ASCC3: variants seen among roughly 807,000 people sequenced by gnomAD.
ASCC3 encodes activating signal cointegrator 1 complex subunit 3, also known as ASC-1 complex subunit P200.
A neutral mutation model predicts 256.3 loss-of-function variants in ASCC3; 158 were observed. The observed-to-expected ratio is 0.62, with a 90% CI of 0.54 to 0.70. The LOEUF is 0.70. Ranked by LOEUF, ASCC3 falls within the 30% of genes least tolerant of loss-of-function variation. The pLI is 0.00. For missense variants in ASCC3, 2,259 were observed against 2,626.0 expected (o/e 0.86, Z 3.05); for synonymous variants, 948 against 883.4 (o/e 1.07, Z -1.30).
chr6:100,615,307 T>G (rs980567270), intron 30 of ASCC3, among the ~76,000 whole-genome samples: 8 of 152,108 alleles, frequency 5.3e-5, no homozygotes, highest in Non-Finnish European at 5.9e-5. Context: ...TATTGCACTT[T>G]TGTCCCCATC....
At chr6:100,609,306 T>C (rs1021818304) in intron 30 of ASCC3, among the ~76,000 whole-genome samples, 6 of 151,992 alleles carry the variant, frequency 3.9e-5, no homozygotes, top group African/African-American at 1.4e-4. Flanking sequence ...AGTTTAGTTT[T>C]CCTAAATAAT....
At chr6:100,665,950 C>A (rs1021520923) in intron 14 of ASCC3, among the ~76,000 whole-genome samples, 2 of 151,850 alleles carry the variant, frequency 1.3e-5, no homozygotes, top group Admixed American at 1.3e-4. Flanking sequence ...TTAAAAAAAC[C>A]CCCTCATGCT....
Position 100,516,263 on chromosome 6 carries a change from C to G in ASCC3, c.5992G>C (p.Glu1998Gln). 6.2e-7 allele frequency: 1 copy of G among 1,613,802 alleles called. No individual in the cohort carries two copies. Among genetic ancestry groups the G allele is most frequent in the African/African-American group, 1.3e-5 (1 of 75,000 alleles). ...RGRTSIESLP[E>Q]LIHACGGKDH... ...TTCCCTCCACAGGCATGGATCAGTT[C>G]AGGAAGGGACTCGATGGAGGTCCGA... Residue 1998 changes from glutamate (E) to glutamine (Q), a missense_variant, in exon 39 of 42, where the codon GAA becomes CAA. Transcript: ENST00000369162.
rs1339078897 is a variant in ASCC3 at position 100,589,731 on chromosome 6, A to G, written c.5453T>C (p.Ile1818Thr). The G allele has an allele frequency of 6.2e-7, 1 of 1,613,780 alleles. No homozygotes were observed. The part of the protein sequence containing the change: ...RSIEPLTYGR[I>T]ASYYYLKHQT... ...ATGCTTCAAATAGTAATAGGAGGCAATTCGGCCATAAGTTAGAGGTTCAAT... is the reference window on the plus strand; with the variant it reads ...ATGCTTCAAATAGTAATAGGAGGCAGTTCGGCCATAAGTTAGAGGTTCAAT... Residue 1818 changes from isoleucine (I) to threonine (T), a missense_variant, in exon 36 of 42, where the codon ATT (isoleucine) becomes ACT (threonine). Physicochemically the swap from Ile to Thr is moderately conservative, Grantham distance 89. Around this residue, in one of 2 missense-constraint regions of ASCC3, gnomAD observed 1,839 missense variants for 2,206.7 expected, o/e 0.83. Transcript: ENST00000369162.
In ASCC3 at chr6:100,767,246, C is replaced by T; in HGVS notation, c.1495G>A (p.Ala499Thr). 1 of 1,614,012 alleles carries T rather than the reference C, an allele frequency of 6.2e-7. No individual in the cohort carries two copies. Among genetic ancestry groups the T allele is most frequent in the Non-Finnish European group, 8.5e-7 (1 of 1,179,998 alleles). The change falls in exon 9 of 42, where the codon GCC becomes ACC. Residue 499 changes from alanine to threonine, a missense_variant. By Grantham distance (58) the Ala-to-Thr change is moderately conservative. This residue lies in a region of ASCC3 where 1,839 missense variants were observed against 2,206.7 expected (regional missense o/e 0.83). Coordinates refer to ENST00000369162, the MANE Select transcript of ASCC3 (RefSeq NM_006828.4). ...TTGGTTTTTCCAGCTCCTGTAGGGG[C>T]ACAAATCAGCATGTTCTCATTGGTG... ...YNTNENMLIC[A>T]PTGAGKTNIA...
intron 4 of ASCC3, among the ~76,000 whole-genome samples, chr6:100,826,168 A>G (rs574275856): frequency 6.0e-4 from 91 of 151,652 alleles, no homozygotes; most frequent in Non-Finnish European, 1.1e-3. Flanking sequence ...GTCTCCCTCT[A>G]TCACCCAGGA....
intron 36 of ASCC3, among the ~76,000 whole-genome samples, chr6:100,586,925 G>A (rs1202945432): frequency 6.6e-6 from 1 of 152,048 alleles, no homozygotes; most frequent in Non-Finnish European, 1.5e-5. Context: ...TTTTTCAGTT[G>A]TAATGTTATC....
chr6:100,697,369 G>A (rs1317546139), intron 13 of ASCC3, among the ~76,000 whole-genome samples: 3 of 151,628 alleles, frequency 2.0e-5, no homozygotes, highest in Non-Finnish European at 4.4e-5. Flanking sequence ...ATGAAGAAAT[G>A]GATGGAAAAG....
At chr6:100,769,747 G>A (rs968103250) in intron 8 of ASCC3, among the ~76,000 whole-genome samples, 1 of 151,736 alleles carries the variant, frequency 6.6e-6, no homozygotes, top group African/African-American at 2.4e-5. Flanking sequence ...AATATCAAGA[G>A]TGAGAAAAGT....
chr6:100,766,958 T>C (rs375281014), intron 9 of ASCC3, among the ~76,000 whole-genome samples, 187 bp downstream of exon 9: 1 of 152,324 alleles, frequency 6.6e-6, no homozygotes, highest in African/African-American at 2.4e-5. Flanking sequence ...GCTTCTTACA[T>C]GGTAATAGAA....
intron 36 of ASCC3, among the ~76,000 whole-genome samples, chr6:100,582,603 G>C (rs1278940922): frequency 6.6e-6 from 1 of 151,982 alleles, no homozygotes; most frequent in African/African-American, 2.4e-5. Context: ...AAATGCCCTG[G>C]CCAGAACTTC....
rs576803322 is a variant in ASCC3 at position 100,730,134 on chromosome 6, G to A, written c.1738-4431C>T. Among the ~76,000 whole-genome samples, 9 of 151,076 alleles carry A rather than the reference G, an allele frequency of 6.0e-5. No individual in the cohort carries two copies. The East Asian group carries it at 1.6e-3, about 26-fold the overall frequency. ...AGCCTGTGCAGTACGGTGAGACCTCGCCTCCAGAAAAAAAAAAAATTAACT... is the reference window on the plus strand; with the variant it reads ...AGCCTGTGCAGTACGGTGAGACCTCACCTCCAGAAAAAAAAAAAATTAACT... On this transcript the variant is annotated intron_variant, in intron 10 of 41. Transcript: ENST00000369162.
chr6:100,799,645 TTA>T lies in ASCC3; in HGVS notation c.1128-75_1128-74del, dbSNP rs1170303112. 6.1e-6 allele frequency: 9 copies of T among 1,468,428 alleles called. No individual in the cohort carries two copies. In the African/African-American group the frequency reaches 1.3e-4, roughly 20 times the overall value. The allele number at this position is 1,468,428 out of a possible 1,614,324, so 91.0% of individuals were successfully genotyped here. A position where few individuals can be genotyped will look rare whatever the true frequency, so the allele number is the denominator to read the frequency against. ...TAATGCATACACCAAAACAAGGCAA[TTA>T]TAAAAGATATTGGGAGCTAGCCTTC... On this transcript the variant is annotated intron_variant, in intron 6 of 41. Coordinates refer to ENST00000369162, the MANE Select transcript of ASCC3 (RefSeq NM_006828.4).
chr6:100,572,042 A>G (rs1300632246), intron 36 of ASCC3, among the ~76,000 whole-genome samples: 1 of 152,202 alleles, frequency 6.6e-6, no homozygotes, highest in Non-Finnish European at 1.5e-5. Context: ...TCTTATAGTA[A>G]GACTTGTGAG....
intron 8 of ASCC3, among the ~76,000 whole-genome samples, chr6:100,788,189 G>T (rs1325082788): frequency 6.6e-6 from 1 of 151,908 alleles, no homozygotes; most frequent in African/African-American, 2.4e-5. Context: ...CACCAAAGAA[G>T]AATGACAAGT....
At chr6:100,774,426 C>T (rs761356389) in intron 8 of ASCC3, among the ~76,000 whole-genome samples, 1 of 151,992 alleles carries the variant, frequency 6.6e-6, no homozygotes, top group Admixed American at 6.6e-5. Flanking sequence ...AGTGCAATGG[C>T]ACTATCTTGG....
At chr6:100,872,442 GA>G (rs1182509973) in intron 1 of ASCC3, among the ~76,000 whole-genome samples, 1 of 124,180 alleles carries the variant, frequency 8.1e-6, no homozygotes, top group Non-Finnish European at 1.6e-5. Context: ...AAAGCTCCCT[GA>G]GACCTGAGTA....
At chr6:100,712,617 G>A (rs1778904052) in intron 13 of ASCC3, among the ~76,000 whole-genome samples, 1 of 152,086 alleles carries the variant, frequency 6.6e-6, no homozygotes, top group Non-Finnish European at 1.5e-5. Flanking sequence ...CCAAATGCTG[G>A]CAAGGATGTG....
At chr6:100,720,823 T>C (rs1187421219) in intron 11 of ASCC3, among the ~76,000 whole-genome samples, 1 of 148,320 alleles carries the variant, frequency 6.7e-6, no homozygotes, top group Non-Finnish European at 1.5e-5. Flanking sequence ...ATATATAATA[T>C]ATATGATATA....
Sources: allele counts gnomAD v4.1 joint callset (sites outside exome capture counted in the v4.1 genomes callset), GRCh38; gene constraint gnomAD v4.1.1; regional missense constraint gnomAD v4.1.1; transcripts MANE v1.5; gene names NCBI Gene and HGNC (gene_info 2026-07-23, HGNC 2026-07-21).